Variants in VDAC2 observed in about 807,000 individuals in gnomAD.
VDAC2 encodes voltage dependent anion channel 2, also known as non-selective voltage-gated ion channel VDAC2.
In VDAC2, 6 loss-of-function variants were observed where a neutral mutation model predicts 36.6. The ratio of observed to expected loss-of-function variants is 0.16; its 90% CI spans 0.09 to 0.32. The LOEUF (loss-of-function observed/expected upper bound fraction) is 0.32, where lower values mean the gene tolerates loss of function less well. Ranked by LOEUF, VDAC2 falls within the 10% of genes least tolerant of loss-of-function variation. VDAC2 has a pLI of 1.00. For synonymous variants in VDAC2, 109 were observed against 123.8 expected (o/e 0.88, Z 0.79); for missense variants, 247 against 346.0 (o/e 0.71, Z 2.27).
rs993742367 is a variant in VDAC2 at position 75,231,361 on chromosome 10, A to G, written c.*372A>G. 2 of 158,002 alleles carry G rather than the reference A, an allele frequency of 1.3e-5. No homozygotes were observed. The highest frequency in any genetic ancestry group is 2.8e-5 in the Non-Finnish European group (2 of 71,302). The allele number at this position is 158,002 out of a possible 1,614,324, so 9.8% of individuals were successfully genotyped here. ...ATGAGATGGATCAGTGGATATTAAG[A>G]TGAGGTTACAAATTTTGTTAAGTTC... On this transcript the variant is annotated 3_prime_UTR_variant, in exon 10 of 10. Coordinates refer to ENST00000332211, the MANE Select transcript of VDAC2 (RefSeq NM_001391963.1).
rs201751542 is a variant in VDAC2, at chr10:75,220,714, C to G, written c.357-29C>G. The G allele has an allele frequency of 6.1e-4, 959 of 1,582,750 alleles. 2 individuals are homozygous for G. Among genetic ancestry groups the G allele is most frequent in the Middle Eastern group, 4.7e-3 (28 of 5,928 alleles). On this transcript the variant is annotated intron_variant, in intron 6 of 9. Transcript: ENST00000332211. ...GTGCAGAAGTGTGTGTAAATTTTTC[C>G]CAATGACATCAGTTTGTTCTTTTTC... is the stretch of plus-strand genomic sequence containing the variant.
intron 8 of VDAC2, among the ~76,000 whole-genome samples, chr10:75,224,199 C>T (rs1286140653): frequency 3.9e-5 from 6 of 152,204 alleles, no homozygotes; most frequent in African/African-American, 1.4e-4. Context: ...CCTGTGGCAT[C>T]TGATGTCTCC....
intron 4 of VDAC2, 50 bp downstream of exon 4, chr10:75,214,120 C>T (rs768489681): frequency 4.4e-6 from 7 of 1,575,412 alleles, no homozygotes; most frequent in Non-Finnish European, 5.2e-6. Context: ...AATTTTTCAA[C>T]TTGTAAAATG....
At chr10:75,222,107 G>A (rs1841830542) in intron 7 of VDAC2, 145 bp from the exon 8 acceptor site, 1 of 835,254 alleles carries the variant, frequency 1.2e-6, no homozygotes, top group South Asian at 1.9e-5. Flanking sequence ...AAAAAAACCT[G>A]TTAAAACTTG....
intron 6 of VDAC2, among the ~76,000 whole-genome samples, chr10:75,220,209 G>A (rs1044356175): frequency 2.6e-5 from 4 of 151,990 alleles, no homozygotes; most frequent in Non-Finnish European, 4.4e-5. Flanking sequence ...GGGTTGAAGC[G>A]ATTCTCCTGC....
chr10:75,215,636 G>T (rs1283404750), intron 4 of VDAC2, among the ~76,000 whole-genome samples: 1 of 152,058 alleles, frequency 6.6e-6, no homozygotes, highest in African/African-American at 2.4e-5. Flanking sequence ...ACAGGCGTGA[G>T]CCACCGCGCC....
At chr10:75,216,273 A>G (rs1327145182) in intron 4 of VDAC2, among the ~76,000 whole-genome samples, 1 of 152,206 alleles carries the variant, frequency 6.6e-6, no homozygotes, top group East Asian at 1.9e-4. Context: ...CTTACTTTCT[A>G]GTTGGAGAGA....
At position 75,223,498 on chromosome 10, in the gene VDAC2, A is replaced by G. The variant is rs376700771; in HGVS notation, c.735+1096A>G. ...AATGACTCCTGGGAATTAGTTTGGA[A>G]ATGTACCTAGCCTTTCCCACTTCAG... On this transcript the variant is annotated intron_variant, in intron 8 of 9. Coordinates refer to ENST00000332211, the MANE Select transcript of VDAC2 (RefSeq NM_001391963.1). 2.5e-4 allele frequency among the ~76,000 whole-genome samples: 38 copies of G among 152,234 alleles called. No individual in the cohort carries two copies. In the East Asian group the frequency reaches 4.4e-3, roughly 18 times the overall value.
chr10:75,213,089 T>G (rs1841479885), intron 3 of VDAC2, among the ~76,000 whole-genome samples: 2 of 152,000 alleles, frequency 1.3e-5, no homozygotes, highest in Non-Finnish European at 2.9e-5. Context: ...TTGTTTTTGT[T>G]TTTTTTTGAG....
intron 8 of VDAC2, among the ~76,000 whole-genome samples, chr10:75,226,535 C>T (rs4746277): frequency 0.075 from 11,072 of 147,684 alleles, 566 homozygotes; most frequent in African/African-American, 0.13. Context: ...CTGCTCACTG[C>T]AACCTCAACC....
rs900608040 is a variant in VDAC2 at position 75,212,213 on chromosome 10, TG to T, written c.32-16del. On this transcript the variant is annotated splice_polypyrimidine_tract_variant and intron_variant, in intron 2 of 9. Transcript: ENST00000332211. ...GAGAATAGAGACATTAACACTGGAA[TG>T]TTTTTTTTCTACCAGCAATGTGTAT... 4.3e-6 allele frequency: 7 copies of T among 1,610,828 alleles called. No individual in the cohort carries two copies. Among genetic ancestry groups the T allele is most frequent in the Admixed American group, 1.7e-5 (1 of 59,846 alleles).
chr10:75,216,918 C>T (rs920957564), intron 4 of VDAC2, among the ~76,000 whole-genome samples: 11 of 152,080 alleles, frequency 7.2e-5, no homozygotes, highest in Non-Finnish European at 1.6e-4. Context: ...TTTAATCATT[C>T]GGAGGTAGGC....
chr10:75,217,869 G>A, intron 4 of VDAC2: 1 of 1,246,862 alleles, frequency 8.0e-7, no homozygotes, highest in South Asian at 1.3e-5. Flanking sequence ...TACAATTTTT[G>A]ATATTTCTCA....
At chr10:75,211,326 C>A in intron 2 of VDAC2, 137 bp downstream of exon 2, 1 of 1,411,100 alleles carries the variant, frequency 7.1e-7, no homozygotes, top group South Asian at 1.3e-5. Context: ...CACCGTCTGA[C>A]CACCTCCTCT....
rs191752810 is a variant in VDAC2, at chr10:75,228,695, A to T, written c.736-949A>T. Among the ~76,000 whole-genome samples the T allele has an allele frequency of 4.6e-5, 7 of 152,352 alleles. 1 individual carries two copies. Among genetic ancestry groups the T allele is most frequent in the Admixed American group, 1.3e-4 (2 of 15,300 alleles). On this transcript the variant is annotated intron_variant, in intron 8 of 9. Coordinates refer to ENST00000332211, the MANE Select transcript of VDAC2 (RefSeq NM_001391963.1). Reference sequence around the variant, plus strand: ...GGATTGGGCTCTTTGGATGTTACACATTATAAGAGTATAGACATCGAATCA... The same window carrying T: ...GGATTGGGCTCTTTGGATGTTACACTTTATAAGAGTATAGACATCGAATCA...
chr10:75,214,624 A>T (rs1051199753), intron 4 of VDAC2, among the ~76,000 whole-genome samples: 1 of 151,998 alleles, frequency 6.6e-6, no homozygotes, highest in African/African-American at 2.4e-5. Flanking sequence ...TCCTGAGTTC[A>T]GGTGATTCTC....
intron 8 of VDAC2, 25 bp downstream of exon 8, chr10:75,222,427 T>TG: frequency 6.2e-7 from 1 of 1,612,804 alleles, no homozygotes; most frequent in African/African-American, 1.3e-5. Flanking sequence ...GGACTTAGAA[T>TG]GGGGGTTTTG....
In VDAC2 at chr10:75,219,091, C is replaced by A; in HGVS notation, c.179C>A (p.Thr60Lys). ...VEFSTSGSSN[T>K]DTGKVTGTLE... ...TTTTCAACGTCCGGTTCATCTAATA[C>A]AGACACTGGTAAAGTTACTGGGACC... Residue 60 changes from threonine (T) to lysine (K), a missense_variant, in exon 5 of 10, where the codon ACA becomes AAA. Around this residue, in one of 3 missense-constraint regions of VDAC2, gnomAD observed 76 missense variants for 76.9 expected, o/e 0.99. Coordinates refer to ENST00000332211, the MANE Select transcript of VDAC2 (RefSeq NM_001391963.1). 6.2e-7 allele frequency: 1 copy of A among 1,610,454 alleles called. No individual in the cohort carries two copies. The highest frequency in any genetic ancestry group is 8.5e-7 in the Non-Finnish European group (1 of 1,179,190).
intron 4 of VDAC2, 87 bp from the exon 5 acceptor site, chr10:75,218,976 G>T: frequency 2.2e-6 from 3 of 1,357,458 alleles, no homozygotes; most frequent in Non-Finnish European, 3.0e-6. Flanking sequence ...AAATGTTTCA[G>T]GGGGTTTGTG....
Sources: gnomAD v4.1 joint callset for allele counts (sites outside exome capture counted in the v4.1 genomes callset) on GRCh38, gnomAD v4.1.1 for gene constraint, gnomAD v4.1.1 regional missense constraint, MANE v1.5 for transcripts, NCBI Gene and HGNC (gene_info 2026-07-23, HGNC 2026-07-21) for gene names.